Variants in ABI3BP observed in about 807,000 individuals in gnomAD.
The protein encoded by ABI3BP is target of Nesh-SH3.
ABI3BP carries 216 observed loss-of-function variants against 268.6 expected under a neutral mutation model. That is an observed-to-expected ratio of 0.80 (90% CI 0.72 to 0.90). The LOEUF (loss-of-function observed/expected upper bound fraction) is 0.90, where lower values mean the gene tolerates loss of function less well. Ranked by LOEUF, ABI3BP falls within the 40% of genes least tolerant of loss-of-function variation. ABI3BP has a pLI of 0.00. For missense variants in ABI3BP, 2,090 were observed against 2,182.4 expected, an observed-to-expected ratio of 0.96 and a Z score of 0.84; for synonymous variants, 730 against 730.0, an observed-to-expected ratio of 1.00 and a Z score of 0.00.
At chr3:100,975,183 GAGA>G in intron 1 of ABI3BP, among the ~76,000 whole-genome samples, 1 of 152,144 alleles carries the variant, frequency 6.6e-6, no homozygotes, top group East Asian at 1.9e-4. Flanking sequence ...TTAGAAAAAA[GAGA>G]AGGATATTGC....
intron 63 of ABI3BP, among the ~76,000 whole-genome samples, chr3:100,756,469 C>A (rs1262776299): frequency 6.6e-6 from 1 of 152,202 alleles, no homozygotes; most frequent in African/African-American, 2.4e-5. Context: ...AGAAATCACA[C>A]ACACATGGGG....
At chr3:100,856,825 G>T (rs1426406494) in intron 14 of ABI3BP, among the ~76,000 whole-genome samples, 1 of 152,104 alleles carries the variant, frequency 6.6e-6, no homozygotes, top group Non-Finnish European at 1.5e-5. Flanking sequence ...CCCATCTGTG[G>T]GATGATAAAT....
intron 7 of ABI3BP, among the ~76,000 whole-genome samples, chr3:100,875,900 T>G (rs1396771621): frequency 6.6e-6 from 1 of 152,114 alleles, no homozygotes; most frequent in Non-Finnish European, 1.5e-5. Flanking sequence ...AATGAGGTGA[T>G]GACCCAGCAA....
Position 100,968,913 on chromosome 3 carries a change from C to G in ABI3BP, c.79+24393G>C, listed in dbSNP as rs568028049. Among the ~76,000 whole-genome samples, 22 of 152,172 alleles carry G rather than the reference C, an allele frequency of 1.4e-4. No homozygotes were observed. The South Asian group carries it at 4.6e-3, about 32-fold the overall frequency. On this transcript the variant is annotated intron_variant, in intron 1 of 67. Coordinates refer to ENST00000471714, the MANE Select transcript of ABI3BP (RefSeq NM_001375547.2). ...GTCCATATGTTCTCATTGTTCAACT[C>G]ATAATTTGCTGTCTTAAAAAAAAGT... is the stretch of plus-strand genomic sequence containing the variant.
chr3:100,960,229 G>C (rs2078538504), intron 1 of ABI3BP, among the ~76,000 whole-genome samples: 1 of 152,120 alleles, frequency 6.6e-6, no homozygotes, highest in South Asian at 2.1e-4. Flanking sequence ...AAAGAACAAA[G>C]AATGAAGACT....
rs114561066 is a variant in ABI3BP at position 100,851,304 on chromosome 3, C to T, written c.1352-570G>A. On this transcript the variant is annotated intron_variant, in intron 15 of 67. Coordinates refer to ENST00000471714, the MANE Select transcript of ABI3BP (RefSeq NM_001375547.2). The stretch of plus-strand genomic sequence containing the variant: ...AAGATTAGACCCAATTGAACTGCTA[C>T]AGCCGAATGAATTATGTGACTGTTC... 4.3e-3 allele frequency among the ~76,000 whole-genome samples: 649 copies of T among 152,312 alleles called. 7 individuals carry two copies. The highest frequency in any genetic ancestry group is 0.015 in the African/African-American group (615 of 41,570).
intron 51 of ABI3BP, among the ~76,000 whole-genome samples, chr3:100,801,787 A>G (rs1378540906): frequency 6.6e-6 from 1 of 152,170 alleles, no homozygotes; most frequent in Non-Finnish European, 1.5e-5. Context: ...TGATAATGAA[A>G]CATTGTAGAA....
chr3:100,768,350 A>G (rs1306648716), intron 62 of ABI3BP, among the ~76,000 whole-genome samples: 2 of 152,090 alleles, frequency 1.3e-5, no homozygotes, highest in East Asian at 3.9e-4. Flanking sequence ...AGCCTCCCAG[A>G]GTGCTGGGAT....
intron 3 of ABI3BP, 124 bp from the exon 4 acceptor site, chr3:100,899,018 C>A: frequency 9.4e-7 from 1 of 1,064,810 alleles, no homozygotes; most frequent in Non-Finnish European, 1.4e-6. Flanking sequence ...AAGTTCCTTT[C>A]CTTTTCTATA....
intron 62 of ABI3BP, 38 bp downstream of exon 62, chr3:100,770,705 A>G (rs749279545): frequency 7.2e-7 from 1 of 1,395,992 alleles, no homozygotes; most frequent in Admixed American, 2.8e-5. Context: ...TTGTTATCAA[A>G]GCTTCCCACC....
intron 15 of ABI3BP, 142 bp downstream of exon 15, chr3:100,851,733 C>T (rs545797912): frequency 1.5e-6 from 1 of 658,898 alleles, no homozygotes; most frequent in East Asian, 2.8e-5. Context: ...GTGGGTAAAA[C>T]ACAACTCCCT....
intron 1 of ABI3BP, among the ~76,000 whole-genome samples, chr3:100,949,430 T>C (rs183951787): frequency 1.1e-4 from 16 of 152,190 alleles, no homozygotes; most frequent in Non-Finnish European, 2.1e-4. Context: ...TCTTTGTTGT[T>C]GTCGTTGTTA....
intron 16 of ABI3BP, 143 bp from the exon 17 acceptor site, chr3:100,850,262 T>C: frequency 2.7e-6 from 2 of 739,952 alleles, no homozygotes; most frequent in Non-Finnish European, 4.5e-6. Flanking sequence ...TCTTGAAAGC[T>C]AGTGAATAAA....
chr3:100,827,027 C>A (rs1184118305), intron 34 of ABI3BP, among the ~76,000 whole-genome samples: 2 of 152,106 alleles, frequency 1.3e-5, no homozygotes, highest in East Asian at 3.9e-4. Context: ...TCATTCTTAC[C>A]TTCCTATTTG....
intron 1 of ABI3BP, among the ~76,000 whole-genome samples, chr3:100,955,868 T>C (rs925164870): frequency 1.3e-5 from 2 of 151,760 alleles, no homozygotes; most frequent in African/African-American, 4.8e-5. Flanking sequence ...TGAGAAGAGA[T>C]AAATAAATAA....
chr3:100,799,494 C>T (rs2097456821), intron 51 of ABI3BP, among the ~76,000 whole-genome samples: 1 of 152,152 alleles, frequency 6.6e-6, no homozygotes, highest in Non-Finnish European at 1.5e-5. Context: ...AATCTGGAAA[C>T]TGCTAATTCT....
At chr3:100,913,398 T>C (rs1053799728) in intron 2 of ABI3BP, among the ~76,000 whole-genome samples, 2 of 152,148 alleles carry the variant, frequency 1.3e-5, no homozygotes, top group Non-Finnish European at 2.9e-5. Context: ...TAATTACATA[T>C]GAAAAGGCCA....
intron 50 of ABI3BP, among the ~76,000 whole-genome samples, chr3:100,807,101 G>A (rs1042497275): frequency 6.6e-6 from 1 of 151,652 alleles, no homozygotes; most frequent in African/African-American, 2.4e-5. Flanking sequence ...CTCCCCATTT[G>A]TTTTCTACTT....
chr3:100,809,604 G>A lies in ABI3BP; in HGVS notation c.3607+808C>T, dbSNP rs114319382. On this transcript the variant is annotated intron_variant, in intron 49 of 67. Coordinates refer to ENST00000471714, the MANE Select transcript of ABI3BP (RefSeq NM_001375547.2). The stretch of plus-strand genomic sequence containing the variant: ...ATTTCTTTTAGTTAAAAAACTGTAG[G>A]GTTTATAGGCAACATCTAGTAGGAT... Among the ~76,000 whole-genome samples, 546 of 151,908 alleles carry A rather than the reference G, an allele frequency of 3.6e-3. 5 individuals carry two copies. The highest frequency in any genetic ancestry group is 5.3e-3 in the Non-Finnish European group (362 of 67,924).
Sources: gnomAD v4.1 joint callset for allele counts (sites outside exome capture counted in the v4.1 genomes callset) on GRCh38, gnomAD v4.1.1 for gene constraint, MANE v1.5 for transcripts, NCBI Gene and HGNC (gene_info 2026-07-23, HGNC 2026-07-21) for gene names.